The following CUL4B variants were observed in gnomAD, a reference collection of about 807,000 sequenced individuals.
The protein encoded by CUL4B is cullin 4B.
In CUL4B, 1 loss-of-function variant was observed where a neutral mutation model predicts 69.2. That is an observed-to-expected ratio of 0.01 (90% CI 0.01 to 0.07). The LOEUF is 0.07. CUL4B is among the 10% of genes least tolerant of loss of function. CUL4B has a pLI of 1.00. For synonymous variants in CUL4B, 237 were observed against 223.2 expected, an observed-to-expected ratio of 1.06 and a Z score of -0.55; for missense variants, 328 against 638.8, an observed-to-expected ratio of 0.51 and a Z score of 5.24.
chrX:120,534,721 A>C, intron 16 of CUL4B, 135 bp from the exon 17 acceptor site: 1 of 492,714 alleles, frequency 2.0e-6, no homozygotes, highest in South Asian at 2.8e-5. Flanking sequence ...AAGCCACTTG[A>C]CGTGGTAATA....
upstream of CUL4B, among the ~76,000 whole-genome samples, chrX:120,565,215 T>G (rs754817069): frequency 9.1e-6 from 1 of 110,430 alleles, no homozygotes; most frequent in Non-Finnish European, 1.9e-5. Context: ...TCTCCAGATA[T>G]CTCATACCAG....
At chrX:120,574,671 C>T in intron 1 of CUL4B, 2 of 951,324 alleles carry the variant, frequency 2.1e-6, no homozygotes, top group Non-Finnish European at 3.0e-6. Flanking sequence ...CAGCAGTCCT[C>T]TCCCATATCT....
rs185368040 is a variant in CUL4B, at chrX:120,556,857, T to C, written c.672+1067A>G. On this transcript the variant is annotated intron_variant, in intron 2 of 19. Coordinates refer to ENST00000371322, the MANE Select transcript of CUL4B (RefSeq NM_001079872.2). Reference sequence around the variant, plus strand: ...GATAAATAAAACCAACATAATTTCTTACAAGGTACTCATCAATACAAAAAT... The same window carrying C: ...GATAAATAAAACCAACATAATTTCTCACAAGGTACTCATCAATACAAAAAT... Among the ~76,000 whole-genome samples the C allele has an allele frequency of 7.7e-4, 85 of 110,782 alleles. 1 individual carries two copies. Among genetic ancestry groups the C allele is most frequent in the Non-Finnish European group, 1.4e-3 (72 of 52,935 alleles).
chrX:120,550,919 C>T lies in CUL4B; in HGVS notation c.673-3680G>A, dbSNP rs575452220. Reference sequence around the variant, plus strand: ...GGAACAAAATAAAAACATACACAGTCGTTTTACGTATATAAAACATCTCTG... The same window carrying T: ...GGAACAAAATAAAAACATACACAGTTGTTTTACGTATATAAAACATCTCTG... On this transcript the variant is annotated intron_variant, in intron 2 of 19. Transcript: ENST00000371322. Among the ~76,000 whole-genome samples, 30 of 111,568 alleles carry T rather than the reference C, an allele frequency of 2.7e-4. No homozygotes were observed. In the South Asian group the frequency reaches 0.011, roughly 41 times the overall value.
At chrX:120,539,523 TC>T (rs1326764909) in intron 11 of CUL4B, 151 bp from the exon 12 acceptor site, 1 of 408,910 alleles carries the variant, frequency 2.4e-6, no homozygotes, top group Non-Finnish European at 4.3e-6. Flanking sequence ...GTCAGGAAGA[TC>T]AACTGACTTG....
chrX:120,556,621 C>T (rs1924981327), intron 2 of CUL4B, among the ~76,000 whole-genome samples: 1 of 109,791 alleles, frequency 9.1e-6, no homozygotes, highest in South Asian at 3.9e-4. Flanking sequence ...GACAAGACTG[C>T]TGTAGCCCTG....
At chrX:120,556,416 T>C (rs1003901317) in intron 2 of CUL4B, among the ~76,000 whole-genome samples, 10 of 112,079 alleles carry the variant, frequency 8.9e-5, no homozygotes, top group Non-Finnish European at 1.1e-4. Context: ...CGTGATACCA[T>C]CTTATATTTG....
rs1925256123 is a variant in CUL4B at position 120,560,891 on chromosome X, G to T, written c.-253C>A. 5.3e-6 allele frequency: 4 copies of T among 750,455 alleles called. No homozygotes were observed. Among genetic ancestry groups the T allele is most frequent in the Admixed American group, 8.8e-5 (1 of 11,323 alleles). 61.8% of individuals were successfully genotyped at this position (750,455 alleles called of 1,213,427 possible). A position where few individuals can be genotyped will look rare whatever the true frequency, so the allele number is the denominator to read the frequency against. On this transcript the variant is annotated 5_prime_UTR_variant, in exon 1 of 20. Transcript: ENST00000371322. The stretch of plus-strand genomic sequence containing the variant: ...CGAATGAGGAGGCAGACAGGTAAAC[G>T]GCCGTGCCGTCCCCCTCCCCTGCTT...
chrX:120,531,580 C>T (rs1194551860), intron 18 of CUL4B, among the ~76,000 whole-genome samples: 2 of 108,481 alleles, frequency 1.8e-5, no homozygotes, highest in East Asian at 5.9e-4. Flanking sequence ...ATGCCTCAGC[C>T]TCCCAAGTAG....
rs772350641 is a variant in CUL4B, at chrX:120,560,149, T to C, written c.490A>G (p.Thr164Ala). Residue 164 changes from threonine (T) to alanine (A), a missense_variant, in exon 1 of 20, where the codon ACC (threonine) becomes GCC (alanine). Around this residue, in one of 4 missense-constraint regions of CUL4B, gnomAD observed 102 missense variants for 122.1 expected, o/e 0.84. Transcript: ENST00000371322. The part of the protein sequence containing the change: ...HANGLAKSST[T>A]VSSFANSKPG... ...TTGCTGTTAGCAAAGCTAGAGACGGTGGTAGAAGATTTGGCTAGGCCGTTT... is the reference window on the plus strand; with the variant it reads ...TTGCTGTTAGCAAAGCTAGAGACGGCGGTAGAAGATTTGGCTAGGCCGTTT... The C allele has an allele frequency of 8.3e-7, 1 of 1,210,039 alleles. No individual in the cohort carries two copies. Among genetic ancestry groups the C allele is most frequent in the Non-Finnish European group, 1.1e-6 (1 of 895,207 alleles).
In CUL4B at chrX:120,560,556, G is replaced by A. The variant is rs764241197; in HGVS notation, c.83C>T (p.Thr28Ile). The change falls in exon 1 of 20, where the codon ACC (threonine) becomes ATC (isoleucine). Residue 28 changes from threonine (T) to isoleucine (I), a missense_variant. By Grantham distance (89) the Thr-to-Ile change is moderately conservative. Coordinates refer to ENST00000371322, the MANE Select transcript of CUL4B (RefSeq NM_001079872.2). ...GGCAGAGGTGGGCGGAGTGGTGCTGGTATTACCATCAGTGGCAGATCTGAC... is the reference window on the plus strand; with the variant it reads ...GGCAGAGGTGGGCGGAGTGGTGCTGATATTACCATCAGTGGCAGATCTGAC... The part of the protein sequence containing the change: ...QEVRSATDGN[T>I]STTPPTSAKK... 8.3e-7 allele frequency: 1 copy of A among 1,208,951 alleles called. No homozygotes were observed. Among genetic ancestry groups the A allele is most frequent in the South Asian group, 1.8e-5 (1 of 56,614 alleles).
chrX:120,533,686 T>G (rs990287924), intron 17 of CUL4B, among the ~76,000 whole-genome samples: 1 of 111,902 alleles, frequency 8.9e-6, no homozygotes, highest in Admixed American at 9.5e-5. Context: ...TGTTGCACTC[T>G]TACCACACTT....
chrX:120,536,853 T>C, intron 15 of CUL4B, 74 bp downstream of exon 15: 1 of 771,557 alleles, frequency 1.3e-6, no homozygotes, highest in Non-Finnish European at 2.0e-6. Context: ...TAAGTATCTA[T>C]TTTTAAATGA....
In CUL4B at chrX:120,560,933, C is replaced by A; in HGVS notation, c.-295G>T. 1 of 753,876 alleles carries A rather than the reference C, an allele frequency of 1.3e-6. No individual in the cohort carries two copies. The highest frequency in any genetic ancestry group is 1.6e-6 in the Non-Finnish European group (1 of 639,116). 62.1% of individuals were successfully genotyped at this position (753,876 alleles called of 1,213,427 possible). A position where few individuals can be genotyped will look rare whatever the true frequency, so the allele number is the denominator to read the frequency against. Reference sequence around the variant, plus strand: ...CCCCTGCTTTTCGATCTCTCTCCCCCCCTTTCTGCAGGAGCGACTCAGCGA... The same window carrying A: ...CCCCTGCTTTTCGATCTCTCTCCCCACCTTTCTGCAGGAGCGACTCAGCGA... On this transcript the variant is annotated 5_prime_UTR_variant, in exon 1 of 20. Transcript: ENST00000371322.
chrX:120,571,252 C>T (rs1925703375), exon 3 of CUL4B: 1 of 111,064 alleles, frequency 9.0e-6, no homozygotes, highest in Non-Finnish European at 1.9e-5. Context: ...ATTAAAATTA[C>T]ACAAGTCGCC....
At position 120,545,508 on chromosome X, in the gene CUL4B, T is replaced by C. The variant is rs752130919; in HGVS notation, c.856A>G (p.Arg286Gly). 1 of 1,159,173 alleles carries C rather than the reference T, an allele frequency of 8.6e-7. No homozygotes were observed. Among genetic ancestry groups the C allele is most frequent in the South Asian group, 1.9e-5 (1 of 53,114 alleles). Residue 286 changes from arginine to glycine, a missense_variant, in exon 5 of 20, where the codon AGG (arginine) becomes GGG (glycine). Physicochemically the swap from Arg to Gly is moderately radical, Grantham distance 125. Coordinates refer to ENST00000371322, the MANE Select transcript of CUL4B (RefSeq NM_001079872.2). ...CTATCCAGAAACAAAAAAATGCTCC[T>C]GATCATGATCTGCCAATGAAAAAAA... ...QNHCRQMIMI[R>G]SIFLFLDRTY...
rs1431699762 is a variant in CUL4B, at chrX:120,524,838, C to CGCTT, written c.*1922_*1923insAAGC. ...ATCAAGTTTTCAAAGAATTAAGAGC[C>CGCTT]TCGGGGAGGGGACCCGCTTTCAAGA... On this transcript the variant is annotated 3_prime_UTR_variant, in exon 20 of 20. Transcript: ENST00000371322. The CGCTT allele has an allele frequency of 3.6e-5, 4 of 111,135 alleles. No individual in the cohort carries two copies. The highest frequency in any genetic ancestry group is 1.3e-4 in the African/African-American group (4 of 30,470). 9.2% of individuals were successfully genotyped at this position (111,135 alleles called of 1,213,427 possible). A position where few individuals can be genotyped will look rare whatever the true frequency, so the allele number is the denominator to read the frequency against.
intron 14 of CUL4B, among the ~76,000 whole-genome samples, chrX:120,537,480 A>G (rs1292680851): frequency 9.0e-6 from 1 of 110,614 alleles, no homozygotes; most frequent in Non-Finnish European, 1.9e-5. Context: ...AGTGACCTGG[A>G]GTAGGGAAGG....
Position 120,524,308 on chromosome X carries a change from A to C in CUL4B, c.*2453T>G, listed in dbSNP as rs991324762. Among the ~76,000 whole-genome samples, 1 of 111,726 alleles carries C rather than the reference A, an allele frequency of 9.0e-6. No homozygotes were observed. The highest frequency in any genetic ancestry group is 1.9e-5 in the Non-Finnish European group (1 of 53,095). On this transcript the variant is annotated 3_prime_UTR_variant, in exon 20 of 20. Transcript: ENST00000371322. ...CTGAACTCAAATCTAGACTCATTTC[A>C]TATTGACTTTATGAAACAATTTGAC...
Sources: allele counts gnomAD v4.1 joint callset (sites outside exome capture counted in the v4.1 genomes callset), GRCh38; gene constraint gnomAD v4.1.1; regional missense constraint gnomAD v4.1.1; transcripts MANE v1.5; gene names NCBI Gene and HGNC (gene_info 2026-07-23, HGNC 2026-07-21).